ZNF384: variants seen among roughly 807,000 people sequenced by gnomAD.
ZNF384 encodes CAG repeat protein 1.
ZNF384 carries 20 observed loss-of-function variants against 65.0 expected under a neutral mutation model. The observed-to-expected ratio is 0.31, with a 90% CI of 0.22 to 0.45. The LOEUF (loss-of-function observed/expected upper bound fraction) is 0.45, where lower values mean the gene tolerates loss of function less well. Among genes scored for constraint, ZNF384 ranks in the 20% least tolerant of loss-of-function variants. The probability of loss-of-function intolerance (pLI) is 1.00; values close to 1 mark genes in which losing one functional copy is unlikely to be tolerated. For missense variants in ZNF384, 549 were observed against 769.4 expected (o/e 0.71, Z 3.39); for synonymous variants, 310 against 303.9 (o/e 1.02, Z -0.21).
Position 6,669,196 on chromosome 12 carries a change from A to C in ZNF384, c.1267-7T>G, listed in dbSNP as rs760995562. ...TGTGTTGCCGTCTGTGGGACTGAGA[A>C]AATTGGGAGAAACCAGAATGAATAC... On this transcript the variant is annotated splice_polypyrimidine_tract_variant and splice_region_variant and intron_variant, in intron 10 of 11. Transcript: ENST00000683879. The C allele has an allele frequency of 6.2e-7, 1 of 1,601,268 alleles. No individual in the cohort carries two copies. The highest frequency in any genetic ancestry group is 8.5e-7 in the Non-Finnish European group (1 of 1,171,492).
In ZNF384 at chr12:6,672,753, G is replaced by A. The variant is rs1952006991; in HGVS notation, c.1005-221C>T. Among the ~76,000 whole-genome samples, 1 of 152,140 alleles carries A rather than the reference G, an allele frequency of 6.6e-6. No homozygotes were observed. The highest frequency in any genetic ancestry group is 6.5e-5 in the Admixed American group (1 of 15,272). On this transcript the variant is annotated intron_variant, in intron 8 of 11. Coordinates refer to ENST00000683879, the MANE Select transcript of ZNF384 (RefSeq NM_001385745.1). This position sits in a 1 kb window ranked among gnomAD's most constrained non-coding sequence, Gnocchi z 4.4. ...GCTAGAATGGCAGTGAGATGATGAA[G>A]AGCTGCAACCCATGGCTCCTGGTAA...
chr12:6,685,144 G>A (rs1957442467), intron 2 of ZNF384, among the ~76,000 whole-genome samples: 1 of 152,010 alleles, frequency 6.6e-6, no homozygotes, highest in Non-Finnish European at 1.5e-5. Context: ...GCAAAATAGG[G>A]AGACCCTGTA....
At chr12:6,670,533 GTTTA>G (rs1396147306) in intron 10 of ZNF384, among the ~76,000 whole-genome samples, 3 of 152,248 alleles carry the variant, frequency 2.0e-5, no homozygotes, top group East Asian at 3.9e-4. Flanking sequence ...CACACAATGG[GTTTA>G]TTTTTGTTCT....
At position 6,667,185 on chromosome 12, in the gene ZNF384, T is replaced by C. The variant is rs77651612; in HGVS notation, c.*529A>G. Reference sequence around the variant, plus strand: ...CAAATCTCCTTCTACCAGCAGTCAATAGGAAGCAAAGTGAGACGATGTAGG... The same window carrying C: ...CAAATCTCCTTCTACCAGCAGTCAACAGGAAGCAAAGTGAGACGATGTAGG... On this transcript the variant is annotated 3_prime_UTR_variant, in exon 12 of 12. Transcript: ENST00000683879. 1.3e-3 allele frequency: 352 copies of C among 268,676 alleles called. 2 individuals are homozygous for C. The highest frequency in any genetic ancestry group is 6.4e-3 in the African/African-American group (294 of 46,196). 16.6% of individuals were successfully genotyped at this position (268,676 alleles called of 1,614,324 possible). A position where few individuals can be genotyped will look rare whatever the true frequency, so the allele number is the denominator to read the frequency against.
At chr12:6,686,077 G>C (rs574511922) in intron 2 of ZNF384, among the ~76,000 whole-genome samples, 3 of 152,114 alleles carry the variant, frequency 2.0e-5, no homozygotes, top group Admixed American at 6.5e-5. Context: ...ATATGGTGAA[G>C]ACCACCATCT....
chr12:6,666,592 ATT>A lies in ZNF384; in HGVS notation c.*1120_*1121del. The A allele has an allele frequency of 6.8e-6, 1 of 147,298 alleles. No individual in the cohort carries two copies. Among genetic ancestry groups the A allele is most frequent in the Non-Finnish European group, 1.4e-5 (1 of 69,804 alleles). The allele number at this position is 147,298 out of a possible 1,614,324, so 9.1% of individuals were successfully genotyped here. A position where few individuals can be genotyped will look rare whatever the true frequency, so the allele number is the denominator to read the frequency against. On this transcript the variant is annotated 3_prime_UTR_variant, in exon 12 of 12. Coordinates refer to ENST00000683879, the MANE Select transcript of ZNF384 (RefSeq NM_001385745.1). ...TTACTTTATAACAACTGGTTTCCTG[ATT>A]TTTTTTTTAATTTCCTTTCCTCTGA...
rs943330793 is a variant in ZNF384, at chr12:6,667,014, GAGA to G, written c.*697_*699del. On this transcript the variant is annotated 3_prime_UTR_variant, in exon 12 of 12. Coordinates refer to ENST00000683879, the MANE Select transcript of ZNF384 (RefSeq NM_001385745.1). Reference sequence around the variant, plus strand: ...TGAGAGTATAGGGTCTTTGTAGGCAGAGAAGGAGAGAGGCTTCAAGGAAATCCG... The same window carrying G: ...TGAGAGTATAGGGTCTTTGTAGGCAGAGGAGAGAGGCTTCAAGGAAATCCG... 3.6e-5 allele frequency: 8 copies of G among 219,916 alleles called. No homozygotes were observed. Among genetic ancestry groups the G allele is most frequent in the Middle Eastern group, 1.4e-3 (1 of 718 alleles). The allele number at this position is 219,916 out of a possible 1,614,324, so 13.6% of individuals were successfully genotyped here.
intron 7 of ZNF384, among the ~76,000 whole-genome samples, chr12:6,674,951 C>CTA (rs1045062224): frequency 6.6e-6 from 1 of 152,176 alleles, no homozygotes; most frequent in African/African-American, 2.4e-5. Context: ...GGCAACTGTA[C>CTA]TAAAGTTGCA....
intron 7 of ZNF384, among the ~76,000 whole-genome samples, chr12:6,676,447 G>GA (rs1277409905): frequency 6.6e-6 from 1 of 152,180 alleles, no homozygotes; most frequent in Non-Finnish European, 1.5e-5. Context: ...CAAAAATACT[G>GA]AATGTGTGAA....
At chr12:6,686,952 C>T (rs1308032028) in intron 2 of ZNF384, among the ~76,000 whole-genome samples, 1 of 152,182 alleles carries the variant, frequency 6.6e-6, no homozygotes, top group East Asian at 1.9e-4. Flanking sequence ...AATTCAACTA[C>T]AGAAAGAACT....
In ZNF384 at chr12:6,681,606, G is replaced by A. The variant is rs113613468; in HGVS notation, c.-5-2081C>T. Among the ~76,000 whole-genome samples, 710 of 152,276 alleles carry A rather than the reference G, an allele frequency of 4.7e-3. 11 individuals carry two copies. Among genetic ancestry groups the A allele is most frequent in the African/African-American group, 0.017 (686 of 41,544 alleles). On this transcript the variant is annotated intron_variant, in intron 2 of 11. Coordinates refer to ENST00000683879, the MANE Select transcript of ZNF384 (RefSeq NM_001385745.1). ...GGAGGCAAACACTAAGATACTGAGA[G>A]CTAAAGGGTAGGCTGGGCACAGAAA...
intron 2 of ZNF384, among the ~76,000 whole-genome samples, chr12:6,679,905 A>T (rs975209221): frequency 6.6e-6 from 1 of 152,166 alleles, no homozygotes; most frequent in Non-Finnish European, 1.5e-5. Context: ...TGACTTGAAA[A>T]CGGCCAGGTG....
rs2136655456 is a variant in ZNF384, at chr12:6,673,492, C to A, written c.780-52G>T. The A allele has an allele frequency of 6.5e-7, 1 of 1,536,134 alleles. No individual in the cohort carries two copies. The highest frequency in any genetic ancestry group is 2.3e-5 in the East Asian group (1 of 43,958). On this transcript the variant is annotated intron_variant, in intron 7 of 11. Coordinates refer to ENST00000683879, the MANE Select transcript of ZNF384 (RefSeq NM_001385745.1). The surrounding 1 kb of genome is among the most constrained non-coding windows in gnomAD (Gnocchi z 4.7). ...AACCCTTCCCATCAAGAAGGTGTGG[C>A]TGAACCCTCCCCTCTACTTCCAAGA...
At chr12:6,684,086 T>TC (rs1434939937) in intron 2 of ZNF384, among the ~76,000 whole-genome samples, 2 of 152,224 alleles carry the variant, frequency 1.3e-5, no homozygotes, top group Admixed American at 6.5e-5. Context: ...CTTATTGTGT[T>TC]CAAGGTAGTG....
intron 11 of ZNF384, among the ~76,000 whole-genome samples, chr12:6,668,727 AAAG>A (rs1375980098): frequency 1.5e-4 from 23 of 152,064 alleles, no homozygotes; most frequent in African/African-American, 3.6e-4. Context: ...AAAAAAAAAA[AAAG>A]AAGAAGAAAA....
Position 6,667,590 on chromosome 12 carries a change from C to G in ZNF384, c.*124G>C, listed in dbSNP as rs1362812711. On this transcript the variant is annotated 3_prime_UTR_variant, in exon 12 of 12. Coordinates refer to ENST00000683879, the MANE Select transcript of ZNF384 (RefSeq NM_001385745.1). ...GGTATCCTGTGAAGGAAAGCCGTGACAGAGGCCCAAGGAGATGGAGCCAAG... is the reference window on the plus strand; with the variant it reads ...GGTATCCTGTGAAGGAAAGCCGTGAGAGAGGCCCAAGGAGATGGAGCCAAG... 3 of 1,284,712 alleles carry G rather than the reference C, an allele frequency of 2.3e-6. No homozygotes were observed. Among genetic ancestry groups the G allele is most frequent in the Non-Finnish European group, 3.4e-6 (3 of 890,356 alleles). 79.6% of individuals were successfully genotyped at this position (1,284,712 alleles called of 1,614,324 possible).
At position 6,678,897 on chromosome 12, in the gene ZNF384, G is replaced by A; in HGVS notation, c.304+49C>T. ...TTGGAGCCCTCCAGCCTGGGGTACT[G>A]ATCATGGAAGATCAACACCTCAGAT... On this transcript the variant is annotated intron_variant, in intron 4 of 11. Transcript: ENST00000683879. This position sits in a 1 kb window ranked among gnomAD's most constrained non-coding sequence, Gnocchi z 4.9. 1 of 1,586,206 alleles carries A rather than the reference G, an allele frequency of 6.3e-7. No individual in the cohort carries two copies. The highest frequency in any genetic ancestry group is 8.6e-7 in the Non-Finnish European group (1 of 1,156,640).
At chr12:6,684,618 T>G (rs562346819) in intron 2 of ZNF384, among the ~76,000 whole-genome samples, 1 of 152,300 alleles carries the variant, frequency 6.6e-6, no homozygotes, top group East Asian at 1.9e-4. Flanking sequence ...AGACACTACA[T>G]ATGCGTTACC....
chr12:6,669,253 C>T (rs1950584418), intron 10 of ZNF384, 64 bp from the exon 11 acceptor site: 10 of 1,489,956 alleles, frequency 6.7e-6, no homozygotes, highest in East Asian at 4.9e-5. Context: ...CCCTTGACCT[C>T]GATGGAAAGC....
Sources: allele counts gnomAD v4.1 joint callset (sites outside exome capture counted in the v4.1 genomes callset), GRCh38; gene constraint gnomAD v4.1.1; non-coding constraint Gnocchi (gnomAD v3.1); transcripts MANE v1.5; gene names NCBI Gene and HGNC (gene_info 2026-07-23, HGNC 2026-07-21).